The following CATSPER2 variants were observed in gnomAD, a reference collection of about 807,000 sequenced individuals.
CATSPER2 encodes the protein cation channel sperm associated 2.
In CATSPER2, 56 loss-of-function variants were observed where a neutral mutation model predicts 68.8. That is an observed-to-expected ratio of 0.81 (90% confidence interval 0.66 to 1.02). The LOEUF (loss-of-function observed/expected upper bound fraction) is 1.02. Ranked by LOEUF, CATSPER2 falls within the 50% of genes least tolerant of loss-of-function variation. The pLI is 0.00. For missense variants in CATSPER2, 582 were observed against 642.0 expected, an observed-to-expected ratio of 0.91 and a Z score of 1.01; for synonymous variants, 198 against 229.9, an observed-to-expected ratio of 0.86 and a Z score of 1.26.
rs2860559 is a variant in CATSPER2 at position 43,636,246 on chromosome 15, A to G, written c.843-27T>C. The stretch of plus-strand genomic sequence containing the variant: ...TAAAGAAAAAGACATGTGAATAGAC[A>G]GAAGCAGAGACCTAAACCTTTCAAA... On this transcript the variant is annotated intron_variant, in intron 7 of 12. Transcript: ENST00000396879. 1.0e-4 allele frequency: 165 copies of G among 1,611,796 alleles called. 2 individuals carry two copies. In the South Asian group the frequency reaches 1.2e-3, roughly 12 times the overall value.
intron 8 of CATSPER2, 60 bp from the exon 9 acceptor site, chr15:43,635,886 T>C (rs937510780): frequency 1.3e-6 from 2 of 1,497,484 alleles, no homozygotes; most frequent in African/African-American, 2.8e-5. Context: ...GGAAGAGGGC[T>C]TGGGTGGGGA....
chr15:43,643,430 C>T (rs1451387411), intron 4 of CATSPER2, among the ~76,000 whole-genome samples: 5 of 151,744 alleles, frequency 3.3e-5, no homozygotes, highest in Non-Finnish European at 4.4e-5. Flanking sequence ...CTCCGCCTCC[C>T]AGGTTCAAGC....
chr15:43,639,249 A>G (rs1214204718), intron 6 of CATSPER2, among the ~76,000 whole-genome samples: 1 of 140,202 alleles, frequency 7.1e-6, no homozygotes, highest in East Asian at 2.0e-4. Flanking sequence ...TCTTTCATAT[A>G]TTTTTTTTTT....
At chr15:43,632,054 A>T in intron 12 of CATSPER2, 145 bp downstream of exon 12, 1 of 896,008 alleles carries the variant, frequency 1.1e-6, no homozygotes, top group Non-Finnish European at 1.8e-6. Flanking sequence ...ATACCAAACC[A>T]AGAATTTTAG....
At chr15:43,631,448 C>G in intron 12 of CATSPER2, 2 of 234,200 alleles carry the variant, frequency 8.5e-6, no homozygotes, top group South Asian at 6.1e-5. Context: ...CCAGGATGAT[C>G]CTAATCTCCT....
intron 4 of CATSPER2, among the ~76,000 whole-genome samples, chr15:43,646,211 T>C (rs934574010): frequency 1.1e-4 from 16 of 151,656 alleles, no homozygotes; most frequent in African/African-American, 3.9e-4. Context: ...ATTTGTTATA[T>C]TGCTACATAT....
intron 4 of CATSPER2, chr15:43,643,089 T>C (rs955378308): frequency 3.9e-5 from 6 of 151,918 alleles, no homozygotes; most frequent in African/African-American, 1.5e-4. Context: ...TATATAATTC[T>C]GTTTTACAGG....
intron 4 of CATSPER2, among the ~76,000 whole-genome samples, chr15:43,644,976 T>A (rs2086136566): frequency 6.6e-6 from 1 of 152,034 alleles, no homozygotes; most frequent in Admixed American, 6.5e-5. Flanking sequence ...ATAAAACACC[T>A]CAAAGTATAT....
rs1326195206 is a variant in CATSPER2 at position 43,628,988 on chromosome 15, C to A, written c.*1713G>T. ...ATCAGTATCTTCACTCCAAGAATAA[C>A]CATTATTGTGACCCAAAGCTCAAAA... On this transcript the variant is annotated 3_prime_UTR_variant, in exon 13 of 13. Transcript: ENST00000396879. The A allele has an allele frequency of 2.0e-5, 3 of 148,670 alleles. No individual in the cohort carries two copies. Among genetic ancestry groups the A allele is most frequent in the Non-Finnish European group, 3.0e-5 (2 of 67,648 alleles). 9.2% of individuals were successfully genotyped at this position (148,670 alleles called of 1,614,324 possible). A position where few individuals can be genotyped will look rare whatever the true frequency, so the allele number is the denominator to read the frequency against.
chr15:43,647,197 G>C, intron 3 of CATSPER2, 79 bp from the exon 4 acceptor site: 1 of 1,560,094 alleles, frequency 6.4e-7, no homozygotes, highest in African/African-American at 1.4e-5. Context: ...AATAACATAA[G>C]CAGTGAAAAT....
In CATSPER2 at chr15:43,636,493, A is replaced by C. The variant is rs2085967103; in HGVS notation, c.843-274T>G. Among the ~76,000 whole-genome samples, 4 of 151,654 alleles carry C rather than the reference A, an allele frequency of 2.6e-5. 1 individual carries two copies. Among genetic ancestry groups the C allele is most frequent in the Non-Finnish European group, 5.9e-5 (4 of 67,830 alleles). On this transcript the variant is annotated intron_variant, in intron 7 of 12. Transcript: ENST00000396879. Reference sequence around the variant, plus strand: ...GCAACCTCCACCTCCTGGGTTCAAGAGATTCTCCTGCCTCAGCCTCCCGAG... The same window carrying C: ...GCAACCTCCACCTCCTGGGTTCAAGCGATTCTCCTGCCTCAGCCTCCCGAG...
At position 43,647,959 on chromosome 15, in the gene CATSPER2, A is replaced by G; in HGVS notation, c.103T>C (p.Leu35=). ...GTGTGCCGCGGCACAGCTTGGCTCAAGCCTTGCAAATGCTCAATGAGAGAG... is the reference window on the plus strand; with the variant it reads ...GTGTGCCGCGGCACAGCTTGGCTCAGGCCTTGCAAATGCTCAATGAGAGAG... The part of the protein sequence containing the change: ...TFSLIEHLQG[L]SQAVPRHTIR... Residue 35 remains leucine (L), a synonymous_variant, in exon 2 of 13, where the codon TTG becomes CTG. Transcript: ENST00000396879. The G allele has an allele frequency of 6.2e-7, 1 of 1,613,758 alleles. No individual in the cohort carries two copies. Among genetic ancestry groups the G allele is most frequent in the Non-Finnish European group, 8.5e-7 (1 of 1,179,812 alleles).
chr15:43,632,366 G>A lies in CATSPER2; in HGVS notation c.1397-3C>T, dbSNP rs2085889931. 1 of 1,613,326 alleles carries A rather than the reference G, an allele frequency of 6.2e-7. No homozygotes were observed. Among genetic ancestry groups the A allele is most frequent in the Non-Finnish European group, 8.5e-7 (1 of 1,179,692 alleles). On this transcript the variant is annotated splice_region_variant and splice_polypyrimidine_tract_variant and intron_variant, in intron 11 of 12. Transcript: ENST00000396879. ...AAGAGTCTCCCAGTCCAAACGACCT[G>A]CAGGGAGGAATGCTTCAGAAAAGCA...
chr15:43,644,000 A>T (rs745932219), intron 4 of CATSPER2, among the ~76,000 whole-genome samples: 2 of 151,910 alleles, frequency 1.3e-5, no homozygotes, highest in Non-Finnish European at 2.9e-5. Context: ...AATTTTAAGG[A>T]TTATCTACAC....
intron 7 of CATSPER2, among the ~76,000 whole-genome samples, chr15:43,638,184 A>C (rs2085999246): frequency 1.3e-5 from 2 of 149,416 alleles, no homozygotes; most frequent in African/African-American, 5.0e-5. Flanking sequence ...CGAACTCCTG[A>C]CTCAGGTGAT....
At chr15:43,646,958 C>T in intron 4 of CATSPER2, 92 bp downstream of exon 4, 1 of 1,077,364 alleles carries the variant, frequency 9.3e-7, no homozygotes, top group East Asian at 2.4e-5. Context: ...CTCCGGCAAT[C>T]CACACGCCCC....
chr15:43,648,680 C>T lies in CATSPER2; in HGVS notation c.-54G>A. 7.0e-7 allele frequency: 1 copy of T among 1,433,292 alleles called. No individual in the cohort carries two copies. The highest frequency in any genetic ancestry group is 2.7e-5 in the East Asian group (1 of 36,530). 88.8% of individuals were successfully genotyped at this position (1,433,292 alleles called of 1,614,324 possible). A position where few individuals can be genotyped will look rare whatever the true frequency, so the allele number is the denominator to read the frequency against. On this transcript the variant is annotated 5_prime_UTR_variant, in exon 1 of 13. Transcript: ENST00000396879. ...CAGTCCTTATTTCACGCTTCCGCCT[C>T]CAGCTCAGGTGCCCCGAGCCTGGCT...
At position 43,636,354 on chromosome 15, in the gene CATSPER2, C is replaced by T. The variant is rs191248660; in HGVS notation, c.843-135G>A. The T allele has an allele frequency of 8.1e-3, 9,666 of 1,192,440 alleles. 145 individuals are homozygous for T. The highest frequency in any genetic ancestry group is 0.038 in the Middle Eastern group (192 of 5,056). The allele number at this position is 1,192,440 out of a possible 1,614,324, so 73.9% of individuals were successfully genotyped here. A position where few individuals can be genotyped will look rare whatever the true frequency, so the allele number is the denominator to read the frequency against. On this transcript the variant is annotated intron_variant, in intron 7 of 12. Coordinates refer to ENST00000396879, the MANE Select transcript of CATSPER2 (RefSeq NM_172095.4). ...ATTTTGGCTCCTTTTCTACCATACT[C>T]AGTTTTTAGCTAATCATTCTATAGT...
At chr15:43,647,549 G>A in intron 2 of CATSPER2, 82 bp from the exon 3 acceptor site, 1 of 1,309,610 alleles carries the variant, frequency 7.6e-7, no homozygotes. Context: ...ATACTGGTCA[G>A]GTAATGGGTT....
Sources: gnomAD v4.1 joint callset for allele counts (sites outside exome capture counted in the v4.1 genomes callset) on GRCh38, gnomAD v4.1.1 for gene constraint, MANE v1.5 for transcripts, NCBI Gene and HGNC (gene_info 2026-07-23, HGNC 2026-07-21) for gene names.